Variants in WSCD2 observed in about 807,000 individuals in gnomAD.
WSCD2 encodes sialate:O-sulfotransferase 2.
WSCD2 carries 28 observed loss-of-function variants against 55.7 expected under a neutral mutation model. The observed-to-expected ratio is 0.50, with a 90% CI of 0.37 to 0.69. The LOEUF is 0.69. Among genes scored for constraint, WSCD2 ranks in the 30% least tolerant of loss-of-function variants. The pLI is 0.00. For synonymous variants in WSCD2, 301 were observed against 301.9 expected (o/e 1.00, Z 0.03); for missense variants, 616 against 762.1 (o/e 0.81, Z 2.26).
At chr12:108,141,756 T>C (rs553393459) in intron 1 of WSCD2, among the ~76,000 whole-genome samples, 1 of 152,090 alleles carries the variant, frequency 6.6e-6, no homozygotes, top group Admixed American at 6.5e-5. Flanking sequence ...GCTTTTGGGG[T>C]CGGGGAGCTG....
intron 1 of WSCD2, among the ~76,000 whole-genome samples, chr12:108,191,836 G>A (rs764043975): frequency 1.3e-5 from 2 of 152,144 alleles, no homozygotes; most frequent in African/African-American, 2.4e-5. Context: ...CTCTGAAAGT[G>A]GGGGGTGGAC....
At chr12:108,242,002 C>G (rs1704225901) in intron 8 of WSCD2, among the ~76,000 whole-genome samples, 1 of 152,188 alleles carries the variant, frequency 6.6e-6, no homozygotes, top group Admixed American at 6.5e-5. Context: ...TTAGATGAAC[C>G]ATTGGTGGCT....
At chr12:108,186,882 C>T (rs899847149) in intron 1 of WSCD2, among the ~76,000 whole-genome samples, 1 of 152,030 alleles carries the variant, frequency 6.6e-6, no homozygotes, top group Non-Finnish European at 1.5e-5. Context: ...TGTCTATAAC[C>T]CTGGAAGGCT....
chr12:108,212,613 T>TCA (rs71823965), intron 4 of WSCD2, among the ~76,000 whole-genome samples: 4,902 of 138,502 alleles, frequency 0.035, 253 homozygotes, highest in African/African-American at 0.13. Flanking sequence ...TCTCTCTCTC[T>TCA]CACACACACA....
chr12:108,148,511 AT>A (rs1877639196), intron 1 of WSCD2, among the ~76,000 whole-genome samples: 1 of 152,182 alleles, frequency 6.6e-6, no homozygotes, highest in Admixed American at 6.5e-5. Flanking sequence ...GATAGAATCA[AT>A]TAATAAATGG....
intron 1 of WSCD2, among the ~76,000 whole-genome samples, chr12:108,157,911 T>C (rs1425657187): frequency 6.6e-6 from 1 of 152,112 alleles, no homozygotes. Flanking sequence ...AGAGAAAAAT[T>C]TAGGGAAATC....
chr12:108,197,106 A>G (rs574652240), intron 2 of WSCD2: 2 of 149,668 alleles, frequency 1.3e-5, no homozygotes, highest in South Asian at 4.3e-4. Flanking sequence ...CCTACAATTC[A>G]TAAGATTAAC....
At chr12:108,216,640 T>A (rs1308185428) in intron 4 of WSCD2, among the ~76,000 whole-genome samples, 1 of 152,228 alleles carries the variant, frequency 6.6e-6, no homozygotes. Flanking sequence ...AAAGGTTAGA[T>A]GGGGAAGAAA....
intron 1 of WSCD2, among the ~76,000 whole-genome samples, chr12:108,192,834 C>G (rs1038433380): frequency 1.3e-5 from 2 of 152,158 alleles, no homozygotes; most frequent in African/African-American, 2.4e-5. Flanking sequence ...GTTGCAGACC[C>G]TCACTTCCCT....
intron 1 of WSCD2, among the ~76,000 whole-genome samples, chr12:108,186,738 G>A (rs915600162): frequency 6.6e-6 from 1 of 152,186 alleles, no homozygotes; most frequent in African/African-American, 2.4e-5. Flanking sequence ...GAGCATGATT[G>A]CTGGATCGTA....
At chr12:108,150,999 C>A (rs1181112383) in intron 1 of WSCD2, among the ~76,000 whole-genome samples, 3 of 151,988 alleles carry the variant, frequency 2.0e-5, no homozygotes, top group Non-Finnish European at 2.9e-5. Flanking sequence ...CACGCCCTGG[C>A]CCCTTGGTGC....
At position 108,159,504 on chromosome 12, in the gene WSCD2, G is replaced by A. The variant is rs144035327; in HGVS notation, c.-552+29578G>A. Among the ~76,000 whole-genome samples, 645 of 152,310 alleles carry A rather than the reference G, an allele frequency of 4.2e-3. 13 individuals are homozygous for A. Among genetic ancestry groups the A allele is most frequent in the Admixed American group, 0.032 (491 of 15,294 alleles). On this transcript the variant is annotated intron_variant, in intron 1 of 8. Transcript: ENST00000547525. ...CTCTGGCCACTCATTTGTGATCCCC[G>A]TGGAGGGTAAGACTCTTGTCTTGCT... is the stretch of plus-strand genomic sequence containing the variant.
intron 8 of WSCD2, among the ~76,000 whole-genome samples, chr12:108,244,813 G>C (rs1889972517): frequency 6.6e-6 from 1 of 152,064 alleles, no homozygotes; most frequent in Non-Finnish European, 1.5e-5. Context: ...TGAAAAGAGG[G>C]CAGGAGCTGA....
intron 1 of WSCD2, among the ~76,000 whole-genome samples, chr12:108,139,173 A>G (rs1404237831): frequency 6.6e-6 from 1 of 152,208 alleles, no homozygotes; most frequent in Non-Finnish European, 1.5e-5. Context: ...GAAAGAAAAT[A>G]ATGAAGGTGT....
At chr12:108,179,164 C>A (rs546350323) in intron 1 of WSCD2, among the ~76,000 whole-genome samples, 6 of 152,098 alleles carry the variant, frequency 3.9e-5, no homozygotes, top group African/African-American at 1.4e-4. Context: ...AAACTCTAGT[C>A]CCTGGACCAG....
At chr12:108,182,709 G>T (rs1026878363) in intron 1 of WSCD2, among the ~76,000 whole-genome samples, 3 of 152,150 alleles carry the variant, frequency 2.0e-5, no homozygotes, top group African/African-American at 7.2e-5. Context: ...CATAAGATAA[G>T]GTGAACATCA....
intron 8 of WSCD2, among the ~76,000 whole-genome samples, chr12:108,246,389 G>A (rs1005498749): frequency 6.6e-5 from 10 of 152,166 alleles, no homozygotes; most frequent in African/African-American, 2.4e-4. Flanking sequence ...GCAGGCACCG[G>A]GTAGTGTTTG....
At chr12:108,234,310 C>G (rs1331997342) in intron 7 of WSCD2, among the ~76,000 whole-genome samples, 1 of 152,178 alleles carries the variant, frequency 6.6e-6, no homozygotes, top group African/African-American at 2.4e-5. Flanking sequence ...TCCGCTAACC[C>G]TAGCTCAGGG....
In WSCD2 at chr12:108,144,901, A is replaced by G. The variant is rs374844102; in HGVS notation, c.-552+14975A>G. On this transcript the variant is annotated intron_variant, in intron 1 of 8. Transcript: ENST00000547525. ...AAAGAGACCTGCCTAAGCTCGCACA[A>G]CTCGGACATGGCAGAGCCAAGATTT... is the stretch of plus-strand genomic sequence containing the variant. Among the ~76,000 whole-genome samples, 10 of 152,144 alleles carry G rather than the reference A, an allele frequency of 6.6e-5. No individual in the cohort carries two copies. In the East Asian group the frequency reaches 1.7e-3, roughly 27 times the overall value.
Sources: allele counts gnomAD v4.1 joint callset (sites outside exome capture counted in the v4.1 genomes callset), GRCh38; gene constraint gnomAD v4.1.1; transcripts MANE v1.5; gene names NCBI Gene and HGNC (gene_info 2026-07-23, HGNC 2026-07-21).